Variants in SATB2 observed in about 807,000 individuals in gnomAD.
SATB2 encodes the protein DNA-binding protein SATB2.
In SATB2, 1 loss-of-function variant was observed where a neutral mutation model predicts 73.4. The observed-to-expected ratio is 0.01, with a 90% CI of 0.00 to 0.06. The LOEUF (loss-of-function observed/expected upper bound fraction) is 0.06, where lower values mean the gene tolerates loss of function less well. Among genes scored for constraint, SATB2 ranks in the 10% least tolerant of loss-of-function variants. The probability of loss-of-function intolerance (pLI) is 1.00; values close to 1 mark genes in which losing one functional copy is unlikely to be tolerated. For missense variants in SATB2, 459 were observed against 945.8 expected (o/e 0.49, Z 6.75); for synonymous variants, 397 against 367.0 (o/e 1.08, Z -0.93).
At chr2:199,432,081 G>C (rs201110438) in intron 3 of SATB2, among the ~76,000 whole-genome samples, 2 of 152,244 alleles carry the variant, frequency 1.3e-5, no homozygotes, top group Non-Finnish European at 2.9e-5. Flanking sequence ...TTATCAGGCT[G>C]CTTTGAAAGC....
chr2:199,455,816 G>A lies in SATB2; in HGVS notation c.169+53C>T. On this transcript the variant is annotated intron_variant, in intron 2 of 10. Coordinates refer to ENST00000417098, the MANE Select transcript of SATB2 (RefSeq NM_001172509.2). The surrounding 1 kb of genome is among the most constrained non-coding windows in gnomAD (Gnocchi z 4.1). ...CTAATCAACCTGAACCCTGACACCC[G>A]GGCCATTATCACTGGGCCGCGGGCT... The A allele has an allele frequency of 5.3e-6, 8 of 1,521,942 alleles. No individual in the cohort carries two copies. Among genetic ancestry groups the A allele is most frequent in the African/African-American group, 2.7e-5 (2 of 72,834 alleles). The allele number at this position is 1,521,942 out of a possible 1,614,324, so 94.3% of individuals were successfully genotyped here.
intron 9 of SATB2, among the ~76,000 whole-genome samples, chr2:199,320,438 T>C (rs1393755927): frequency 6.6e-6 from 1 of 152,156 alleles, no homozygotes; most frequent in Admixed American, 6.6e-5. Context: ...CCTCTGGTCT[T>C]ATCCTTCTTG....
intron 6 of SATB2, among the ~76,000 whole-genome samples, chr2:199,357,732 C>A (rs1689027960): frequency 6.6e-6 from 1 of 151,808 alleles, no homozygotes; most frequent in Non-Finnish European, 1.5e-5. Context: ...TTTTATAAAT[C>A]CCCTCCCATT....
intron 9 of SATB2, among the ~76,000 whole-genome samples, chr2:199,317,685 A>G (rs1574499729): frequency 6.6e-6 from 1 of 152,082 alleles, no homozygotes; most frequent in East Asian, 1.9e-4. Flanking sequence ...AGGGTGGTAA[A>G]AAGAACCCAA....
chr2:199,355,827 C>T (rs183537464), intron 6 of SATB2, among the ~76,000 whole-genome samples: 109 of 152,134 alleles, frequency 7.2e-4, no homozygotes, highest in African/African-American at 2.5e-3. Flanking sequence ...TTAAACTCAC[C>T]ATTACAAGAA....
intron 9 of SATB2, among the ~76,000 whole-genome samples, chr2:199,315,667 T>C (rs1407840451): frequency 1.3e-5 from 2 of 152,084 alleles, no homozygotes; most frequent in African/African-American, 2.4e-5. Flanking sequence ...TTTTCCAGTT[T>C]TTACAATATT....
intron 7 of SATB2, among the ~76,000 whole-genome samples, chr2:199,345,264 C>T (rs1404374663): frequency 6.6e-6 from 1 of 152,086 alleles, no homozygotes; most frequent in East Asian, 1.9e-4. Flanking sequence ...TAGCGCCAAA[C>T]TCATATTTTC....
At chr2:199,439,942 T>C (rs1201227321) in intron 2 of SATB2, among the ~76,000 whole-genome samples, 1 of 151,974 alleles carries the variant, frequency 6.6e-6, no homozygotes, top group Non-Finnish European at 1.5e-5. Context: ...CCGTATCTAC[T>C]AAAAATACAA....
At chr2:199,367,795 G>A (rs1295360629) in intron 6 of SATB2, among the ~76,000 whole-genome samples, 3 of 152,088 alleles carry the variant, frequency 2.0e-5, no homozygotes, top group Non-Finnish European at 4.4e-5. Flanking sequence ...TCTGAATGGA[G>A]TGAAAACAAA....
At chr2:199,403,350 G>T (rs1396071993) in intron 3 of SATB2, among the ~76,000 whole-genome samples, 1 of 151,580 alleles carries the variant, frequency 6.6e-6, no homozygotes, top group Non-Finnish European at 1.5e-5. Context: ...GTATAATATT[G>T]TATAATATTG....
chr2:199,287,910 T>C (rs1692734975), intron 10 of SATB2, among the ~76,000 whole-genome samples: 1 of 152,122 alleles, frequency 6.6e-6, no homozygotes, highest in South Asian at 2.1e-4. Flanking sequence ...GAGTCTAACA[T>C]GTAACAAATA....
At chr2:199,415,466 TATC>T (rs1173773322) in intron 3 of SATB2, among the ~76,000 whole-genome samples, 4 of 152,222 alleles carry the variant, frequency 2.6e-5, no homozygotes, top group South Asian at 2.1e-4. Context: ...CTATGTATAA[TATC>T]ATGTTTAAAA....
intron 5 of SATB2, among the ~76,000 whole-genome samples, chr2:199,377,996 A>T (rs1183654377): frequency 6.6e-6 from 1 of 152,154 alleles, no homozygotes; most frequent in Non-Finnish European, 1.5e-5. Context: ...GAACGTCAAG[A>T]CAACCCTCCG....
At position 199,343,529 on chromosome 2, in the gene SATB2, C is replaced by A. The variant is rs76014379; in HGVS notation, c.1173+5172G>T. Among the ~76,000 whole-genome samples, 747 of 152,228 alleles carry A rather than the reference C, an allele frequency of 4.9e-3. 3 individuals carry two copies. The highest frequency in any genetic ancestry group is 0.017 in the African/African-American group (726 of 41,528). On this transcript the variant is annotated intron_variant, in intron 7 of 10. Coordinates refer to ENST00000417098, the MANE Select transcript of SATB2 (RefSeq NM_001172509.2). ...CCATTTAACAATGCTGCTGGTAAAA[C>A]CAGCTGCCCAGTCCGGCTGTTAGTG...
At chr2:199,426,707 A>AAAAAG (rs1553503415) in intron 3 of SATB2, among the ~76,000 whole-genome samples, 1,545 of 126,130 alleles carry the variant, frequency 0.012, 12 homozygotes, top group Non-Finnish European at 0.02. Context: ...AAAAAAAAAA[A>AAAAAG]AAAAGAAAAG....
chr2:199,398,784 T>C (rs933111529), intron 3 of SATB2, among the ~76,000 whole-genome samples: 1 of 152,224 alleles, frequency 6.6e-6, no homozygotes, highest in Non-Finnish European at 1.5e-5. Flanking sequence ...TGATTTCTTA[T>C]TTAGAATCTT....
intron 6 of SATB2, 100 bp downstream of exon 6, chr2:199,368,505 A>G (rs1260353911): frequency 1.1e-5 from 8 of 746,800 alleles, no homozygotes; most frequent in Non-Finnish European, 1.9e-5. Context: ...TAAAAAAATT[A>G]CGTAAATTGT....
chr2:199,343,838 C>T (rs887807719), intron 7 of SATB2, among the ~76,000 whole-genome samples: 2 of 152,152 alleles, frequency 1.3e-5, no homozygotes, highest in African/African-American at 2.4e-5. Context: ...AGCCATCTTA[C>T]AAATTTAATG....
At chr2:199,406,289 C>G (rs1222179064) in intron 3 of SATB2, among the ~76,000 whole-genome samples, 1 of 152,098 alleles carries the variant, frequency 6.6e-6, no homozygotes, top group Non-Finnish European at 1.5e-5. Flanking sequence ...CACACCTAAA[C>G]ATGGTAGAAA....
Sources: allele counts gnomAD v4.1 joint callset (sites outside exome capture counted in the v4.1 genomes callset), GRCh38; gene constraint gnomAD v4.1.1; non-coding constraint Gnocchi (gnomAD v3.1); transcripts MANE v1.5; gene names NCBI Gene and HGNC (gene_info 2026-07-23, HGNC 2026-07-21).